The following DCLRE1C variants were observed in gnomAD, a reference collection of about 807,000 sequenced individuals.
DCLRE1C encodes the protein DNA cross-link repair 1C, also known as protein artemis.
DCLRE1C carries 47 observed loss-of-function variants against 61.4 expected under a neutral mutation model. The observed-to-expected ratio is 0.77, with a 90% confidence interval of 0.61 to 0.98. DCLRE1C has a LOEUF of 0.98. DCLRE1C is among the 50% of genes least tolerant of loss of function. The pLI is 0.00. For synonymous variants in DCLRE1C, 337 were observed against 287.6 expected (o/e 1.17, Z -1.74); for missense variants, 858 against 816.0 (o/e 1.05, Z -0.63).
intron 1 of DCLRE1C, among the ~76,000 whole-genome samples, chr10:14,951,997 G>A (rs1196116646): frequency 2.0e-5 from 3 of 152,206 alleles, no homozygotes; most frequent in African/African-American, 4.8e-5. Flanking sequence ...ATGAGTTTAT[G>A]TCCTGGTTGA....
intron 5 of DCLRE1C, 97 bp downstream of exon 5, chr10:14,936,441 C>T: frequency 5.2e-6 from 5 of 954,242 alleles, no homozygotes; most frequent in Middle Eastern, 3.2e-4. Flanking sequence ...TGCCACTGCA[C>T]CCAGCCCCCT....
Position 14,907,203 on chromosome 10 carries a change from T to C in DCLRE1C, c.*1205A>G, listed in dbSNP as rs1032390266. On this transcript the variant is annotated 3_prime_UTR_variant, in exon 14 of 14. Coordinates refer to ENST00000378278, the MANE Select transcript of DCLRE1C (RefSeq NM_001033855.3). ...ATATTCTAATTGTCCGCTTCTAATT[T>C]GGCCACCGTATTCACATCAAGGTTA... Among the ~76,000 whole-genome samples the C allele has an allele frequency of 2.6e-5, 4 of 151,692 alleles. No individual in the cohort carries two copies. Among genetic ancestry groups the C allele is most frequent in the African/African-American group, 9.7e-5 (4 of 41,252 alleles).
chr10:14,908,326 T>A lies in DCLRE1C; in HGVS notation c.*82A>T, dbSNP rs1834651422. ...AGGTTATTTGAACATTTTTAAGTAC[T>A]GTATTTTCTCTATTGTAATATTGAC... On this transcript the variant is annotated 3_prime_UTR_variant, in exon 14 of 14. Transcript: ENST00000378278. 8.8e-7 allele frequency: 1 copy of A among 1,135,518 alleles called. No homozygotes were observed. The highest frequency in any genetic ancestry group is 1.5e-5 in the African/African-American group (1 of 65,172). The allele number at this position is 1,135,518 out of a possible 1,614,324, so 70.3% of individuals were successfully genotyped here. A position where few individuals can be genotyped will look rare whatever the true frequency, so the allele number is the denominator to read the frequency against.
chr10:14,947,200 C>T (rs1028149429), intron 2 of DCLRE1C, among the ~76,000 whole-genome samples: 3 of 142,892 alleles, frequency 2.1e-5, no homozygotes, highest in African/African-American at 5.2e-5. Context: ...CAGCAGAGTT[C>T]GACTCTGTTT....
intron 1 of DCLRE1C, among the ~76,000 whole-genome samples, chr10:14,953,255 G>C (rs952527456): frequency 6.6e-6 from 1 of 152,200 alleles, no homozygotes; most frequent in African/African-American, 2.4e-5. Context: ...CTGGAACTTA[G>C]CTCCAATCTC....
downstream of DCLRE1C, chr10:14,903,827 C>A (rs1004359104): frequency 2.0e-5 from 3 of 152,128 alleles, no homozygotes; most frequent in African/African-American, 7.2e-5. Context: ...GCTTTGATTA[C>A]CTAAAATAAG....
exon 14 of DCLRE1C, chr10:14,898,849 T>TA (rs1833787764): frequency 5.3e-6 from 1 of 187,116 alleles, no homozygotes; most frequent in African/African-American, 2.3e-5. Context: ...CAATTTTCCA[T>TA]TTGTAACTGC....
chr10:14,951,388 T>TAAAAA (rs1842431172), intron 1 of DCLRE1C, among the ~76,000 whole-genome samples: 1 of 34,538 alleles, frequency 2.9e-5, no homozygotes. Context: ...AAACCCTGTC[T>TAAAAA]CAAAAAAAAA....
At chr10:14,927,904 TTATAA>T (rs1838291720) in intron 10 of DCLRE1C, 107 bp downstream of exon 10, 2 of 732,450 alleles carry the variant, frequency 2.7e-6, no homozygotes, top group African/African-American at 1.9e-5. Context: ...AAGAAATTAA[TTATAA>T]TATATAATTA....
At chr10:14,935,276 G>A (rs1013337123) in intron 6 of DCLRE1C, among the ~76,000 whole-genome samples, 187 bp downstream of exon 6, 3 of 152,014 alleles carry the variant, frequency 2.0e-5, no homozygotes, top group African/African-American at 7.2e-5. Context: ...AGACCAGCCT[G>A]CCCAACATGG....
rs545556854 is a variant in DCLRE1C, at chr10:14,928,206, T to C, written c.781-54A>G. On this transcript the variant is annotated intron_variant, in intron 9 of 13. Transcript: ENST00000378278. ...AGTTCTACATTTTCTACAAATCTGT[T>C]GTAGGCAGAGTCTCAAAAACAAAAG... The C allele has an allele frequency of 2.6e-6, 4 of 1,557,188 alleles. No homozygotes were observed. In the South Asian group the frequency reaches 3.4e-5, roughly 13 times the overall value.
chr10:14,926,986 G>T lies in DCLRE1C; in HGVS notation c.918-89C>A, dbSNP rs1317514102. The T allele has an allele frequency of 3.7e-6, 4 of 1,070,092 alleles. No homozygotes were observed. The South Asian group carries it at 3.9e-5, about 11-fold the overall frequency. 66.3% of individuals were successfully genotyped at this position (1,070,092 alleles called of 1,614,324 possible). Reference sequence around the variant, plus strand: ...GGCCCTTCTCATTTAGGCTATTCTAGCATGAAACCACTCTAATGGGCTCGC... The same window carrying T: ...GGCCCTTCTCATTTAGGCTATTCTATCATGAAACCACTCTAATGGGCTCGC... On this transcript the variant is annotated intron_variant, in intron 10 of 13. Coordinates refer to ENST00000378278, the MANE Select transcript of DCLRE1C (RefSeq NM_001033855.3).
At chr10:14,929,534 C>A (rs1016929925) in intron 9 of DCLRE1C, among the ~76,000 whole-genome samples, 3 of 149,252 alleles carry the variant, frequency 2.0e-5, no homozygotes, top group Non-Finnish European at 4.4e-5. Flanking sequence ...CCCAGCTATT[C>A]AGGAGGCCGA....
At chr10:14,922,315 C>T (rs901735467) in intron 12 of DCLRE1C, among the ~76,000 whole-genome samples, 1 of 151,966 alleles carries the variant, frequency 6.6e-6, no homozygotes, top group Non-Finnish European at 1.5e-5. Context: ...ATGGCATGCA[C>T]CTGTAGTCAC....
chr10:14,923,097 A>C, intron 11 of DCLRE1C, 28 bp from the exon 12 acceptor site: 1 of 1,530,528 alleles, frequency 6.5e-7, no homozygotes, highest in Non-Finnish European at 9.1e-7. Flanking sequence ...ACATGGATCA[A>C]CAATCTCTAC....
At chr10:14,899,647 G>T, downstream of DCLRE1C, 1 of 1,614,020 alleles carries the variant, frequency 6.2e-7, no homozygotes, top group Non-Finnish European at 8.5e-7. Flanking sequence ...AGTGGATGCG[G>T]CTCGATACGG....
intron 13 of DCLRE1C, among the ~76,000 whole-genome samples, chr10:14,915,754 A>G (rs889258447): frequency 2.4e-4 from 36 of 152,272 alleles, no homozygotes; most frequent in African/African-American, 8.7e-4. Context: ...AAATTTTTCC[A>G]GAGACTGAGA....
exon 14 of DCLRE1C, chr10:14,899,096 G>C (rs1411181501): frequency 3.2e-6 from 2 of 624,432 alleles, no homozygotes; most frequent in Admixed American, 2.5e-5. Context: ...AAGGCTGGAG[G>C]CTCACTTGAG....
chr10:14,915,804 A>G (rs1836092296), intron 13 of DCLRE1C, among the ~76,000 whole-genome samples: 1 of 152,198 alleles, frequency 6.6e-6, no homozygotes, highest in Non-Finnish European at 1.5e-5. Flanking sequence ...GTATCCTGAT[A>G]CCAAAACCAC....
Sources: gnomAD v4.1 joint callset for allele counts (sites outside exome capture counted in the v4.1 genomes callset) on GRCh38, gnomAD v4.1.1 for gene constraint, MANE v1.5 for transcripts, NCBI Gene and HGNC (gene_info 2026-07-23, HGNC 2026-07-21) for gene names.